EML4: variants seen among roughly 807,000 people sequenced by gnomAD.
EML4 encodes the protein EMAP like 4.
EML4 carries 72 observed loss-of-function variants against 129.0 expected under a neutral mutation model. That is an observed-to-expected ratio of 0.56 (90% CI 0.46 to 0.68). The LOEUF (loss-of-function observed/expected upper bound fraction) is 0.68. EML4 is among the 30% of genes least tolerant of loss of function. The pLI is 0.00. For missense variants in EML4, 1,363 were observed against 1,190.6 expected (o/e 1.14, Z -2.13); for synonymous variants, 532 against 405.0 (o/e 1.31, Z -3.77).
At chr2:42,307,852 G>A (rs1313094315) in intron 17 of EML4, among the ~76,000 whole-genome samples, 4 of 152,072 alleles carry the variant, frequency 2.6e-5, no homozygotes, top group African/African-American at 7.2e-5. Flanking sequence ...ACAGGGTTTC[G>A]CCATGTTGGC....
chr2:42,197,579 A>G (rs977914002), intron 1 of EML4, among the ~76,000 whole-genome samples: 3 of 152,274 alleles, frequency 2.0e-5, no homozygotes, highest in African/African-American at 7.2e-5. Context: ...AAAAAAAAAC[A>G]AAATGGTGTA....
At chr2:42,322,044 C>G (rs897355664) in intron 19 of EML4, among the ~76,000 whole-genome samples, 7 of 152,148 alleles carry the variant, frequency 4.6e-5, no homozygotes, top group African/African-American at 1.2e-4. Context: ...TAAAATAGTT[C>G]TAGTTCATCT....
rs1174631719 is a variant in EML4 at position 42,331,836 on chromosome 2, G to C, written c.*1629G>C. 1 of 220,814 alleles carries C rather than the reference G, an allele frequency of 4.5e-6. No individual in the cohort carries two copies. Among genetic ancestry groups the C allele is most frequent in the Non-Finnish European group, 9.1e-6 (1 of 109,958 alleles). 13.7% of individuals were successfully genotyped at this position (220,814 alleles called of 1,614,324 possible). ...GAAGGGGCGAGTGGAGACACTGTGTGTATCTCTAGATAAGAAGATATGCAC... is the reference window on the plus strand; with the variant it reads ...GAAGGGGCGAGTGGAGACACTGTGTCTATCTCTAGATAAGAAGATATGCAC... On this transcript the variant is annotated 3_prime_UTR_variant, in exon 23 of 23. Coordinates refer to ENST00000318522, the MANE Select transcript of EML4 (RefSeq NM_019063.5).
intron 1 of EML4, among the ~76,000 whole-genome samples, chr2:42,175,339 G>C (rs1003508223): frequency 3.3e-5 from 5 of 151,748 alleles, no homozygotes; most frequent in African/African-American, 1.2e-4. Context: ...GGTTGTGATC[G>C]CCTGACCTTG....
chr2:42,233,055 A>T (rs1674449039), intron 1 of EML4, among the ~76,000 whole-genome samples: 1 of 151,846 alleles, frequency 6.6e-6, no homozygotes, highest in Admixed American at 6.6e-5. Flanking sequence ...AATCTGGATC[A>T]TTTTGCCTCA....
chr2:42,269,285 T>C (rs1666239267), intron 6 of EML4, among the ~76,000 whole-genome samples: 2 of 152,244 alleles, frequency 1.3e-5, no homozygotes, highest in South Asian at 4.1e-4. Context: ...AACTCATTTA[T>C]AAAATTGGGG....
intron 1 of EML4, among the ~76,000 whole-genome samples, chr2:42,232,297 T>A (rs1159251854): frequency 6.6e-6 from 1 of 152,162 alleles, no homozygotes; most frequent in African/African-American, 2.4e-5. Context: ...AAGAGGACCT[T>A]TTTTGTTATA....
At chr2:42,288,353 T>G in intron 11 of EML4, 31 bp downstream of exon 11, 2 of 1,075,320 alleles carry the variant, frequency 1.9e-6, no homozygotes, top group Non-Finnish European at 2.8e-6. Flanking sequence ...GTATTGTGTT[T>G]TAGAGTACGT....
chr2:42,284,591 C>G, intron 8 of EML4, 43 bp from the exon 9 acceptor site: 3 of 1,429,080 alleles, frequency 2.1e-6, no homozygotes, highest in East Asian at 2.3e-5. Flanking sequence ...TCTGTTGTTT[C>G]ATGTTTCCTG....
chr2:42,219,999 A>G (rs1260201489), intron 1 of EML4, among the ~76,000 whole-genome samples: 2 of 151,684 alleles, frequency 1.3e-5, no homozygotes, highest in Non-Finnish European at 2.9e-5. Context: ...GGAAGGGCTT[A>G]AGGGGTGGCA....
intron 1 of EML4, among the ~76,000 whole-genome samples, chr2:42,193,198 A>T (rs922297335): frequency 4.6e-5 from 7 of 152,176 alleles, no homozygotes; most frequent in African/African-American, 1.7e-4. Flanking sequence ...TATTCTGTAC[A>T]AGTTTATAGC....
At chr2:42,236,699 G>T (rs930617827) in intron 1 of EML4, among the ~76,000 whole-genome samples, 1 of 152,106 alleles carries the variant, frequency 6.6e-6, no homozygotes, top group African/African-American at 2.4e-5. Context: ...CATAGGATGT[G>T]TGTGTCTTCA....
At chr2:42,242,279 G>T (rs1372921031) in intron 1 of EML4, among the ~76,000 whole-genome samples, 1 of 152,156 alleles carries the variant, frequency 6.6e-6, no homozygotes, top group Non-Finnish European at 1.5e-5. Flanking sequence ...CATCTTTCAT[G>T]AATTGAGAAC....
intron 6 of EML4, among the ~76,000 whole-genome samples, chr2:42,269,274 G>A (rs553810689): frequency 3.9e-5 from 6 of 152,136 alleles, no homozygotes; most frequent in East Asian, 1.9e-4. Context: ...TAAATAAAAC[G>A]AACTCATTTA....
intron 1 of EML4, among the ~76,000 whole-genome samples, chr2:42,212,880 A>G (rs541879644): frequency 6.6e-6 from 1 of 152,334 alleles, no homozygotes; most frequent in South Asian, 2.1e-4. Context: ...GCACTTGACT[A>G]AGAGTCTGAA....
chr2:42,190,940 G>A (rs1239156853), intron 1 of EML4, among the ~76,000 whole-genome samples: 1 of 152,158 alleles, frequency 6.6e-6, no homozygotes, highest in Non-Finnish European at 1.5e-5. Flanking sequence ...TTTGTGTGCA[G>A]GCCACACAAA....
intron 1 of EML4, among the ~76,000 whole-genome samples, chr2:42,221,446 G>A (rs1163903919): frequency 1.1e-5 from 1 of 91,678 alleles, no homozygotes; most frequent in South Asian, 3.3e-4. Context: ...ACCTTGCTTT[G>A]TCACCCAGGC....
At chr2:42,255,658 T>C (rs1460942679) in intron 2 of EML4, among the ~76,000 whole-genome samples, 1 of 152,214 alleles carries the variant, frequency 6.6e-6, no homozygotes, top group African/African-American at 2.4e-5. Flanking sequence ...AAAAAATTTC[T>C]TAAGAGGTTT....
chr2:42,258,996 C>A (rs1665537044), intron 3 of EML4, among the ~76,000 whole-genome samples: 1 of 152,150 alleles, frequency 6.6e-6, no homozygotes, highest in Non-Finnish European at 1.5e-5. Context: ...CCTGTAATCC[C>A]AGCACTTTGG....
Sources: allele counts gnomAD v4.1 joint callset (sites outside exome capture counted in the v4.1 genomes callset), GRCh38; gene constraint gnomAD v4.1.1; transcripts MANE v1.5; gene names NCBI Gene and HGNC (gene_info 2026-07-23, HGNC 2026-07-21).